The following RPS6KA2 variants were observed in gnomAD, a reference collection of about 807,000 sequenced individuals.
RPS6KA2 encodes the protein ribosomal protein S6 kinase A2, also known as ribosomal protein S6 kinase alpha-2.
Under a neutral mutation model 91.8 loss-of-function variants are expected in RPS6KA2, and 42 were observed. The observed-to-expected ratio is 0.46, with a 90% confidence interval of 0.36 to 0.59. The LOEUF (loss-of-function observed/expected upper bound fraction) is 0.59, where lower values mean the gene tolerates loss of function less well. Ranked by LOEUF, RPS6KA2 falls within the 20% of genes least tolerant of loss-of-function variation. The probability of loss-of-function intolerance (pLI) is 0.00; values close to 1 mark genes in which losing one functional copy is unlikely to be tolerated. For missense variants in RPS6KA2, 798 were observed against 978.5 expected (o/e 0.82, Z 2.46); for synonymous variants, 414 against 393.6 (o/e 1.05, Z -0.61).
chr6:166,717,022 A>G (rs904385154), intron 2 of RPS6KA2, among the ~76,000 whole-genome samples: 1 of 152,210 alleles, frequency 6.6e-6, no homozygotes, highest in Non-Finnish European at 1.5e-5. Context: ...AGCCAGAAGG[A>G]GCAGGGAGTG....
chr6:166,795,013 AAAT>A (rs1027945575), intron 2 of RPS6KA2, among the ~76,000 whole-genome samples: 26 of 151,772 alleles, frequency 1.7e-4, no homozygotes, highest in African/African-American at 2.4e-4. Context: ...AATAAAATAA[AAAT>A]AAATAAATAA....
At chr6:166,674,290 A>G (rs1788559411) in intron 2 of RPS6KA2, among the ~76,000 whole-genome samples, 1 of 152,246 alleles carries the variant, frequency 6.6e-6, no homozygotes, top group Admixed American at 6.5e-5. Flanking sequence ...GATTGGGGAC[A>G]GTAGTGCTTT....
chr6:166,837,215 G>A (rs1338531701), intron 2 of RPS6KA2, among the ~76,000 whole-genome samples: 1 of 152,100 alleles, frequency 6.6e-6, no homozygotes, highest in Non-Finnish European at 1.5e-5. Flanking sequence ...AAGGGTCTGG[G>A]GTGGGAGGGC....
At chr6:166,552,676 T>C (rs1467849344) in intron 1 of RPS6KA2, among the ~76,000 whole-genome samples, 1 of 152,202 alleles carries the variant, frequency 6.6e-6, no homozygotes, top group East Asian at 1.9e-4. Flanking sequence ...CCAAAAGGTT[T>C]CTGAAGCTCT....
chr6:166,531,234 T>A lies in RPS6KA2; in HGVS notation c.296A>T (p.Lys99Ile). 1 of 1,612,860 alleles carries A rather than the reference T, an allele frequency of 6.2e-7. No homozygotes were observed. The highest frequency in any genetic ancestry group is 1.1e-5 in the South Asian group (1 of 91,052). Residue 99 changes from lysine to isoleucine, a missense_variant and splice_region_variant, in exon 3 of 21, where the codon AAA becomes ATA. By Grantham distance (102) the Lys-to-Ile change is moderately radical. Transcript: ENST00000265678. The stretch of plus-strand genomic sequence containing the variant: ...GCCGGCCCTTCCGAAGCTCTTACCT[T>A]TTAGGGTGGCTTTCTTAAGGACCTT... The part of the protein sequence containing the change: ...AMKVLKKATL[K>I]VRDRVRSKME...
chr6:166,813,265 C>T (rs1006825951), intron 2 of RPS6KA2, among the ~76,000 whole-genome samples: 1 of 152,258 alleles, frequency 6.6e-6, no homozygotes, highest in Admixed American at 6.5e-5. Context: ...GCCAGGGCTC[C>T]GATTCCCTGG....
chr6:166,664,872 C>T (rs1031788091), intron 2 of RPS6KA2, among the ~76,000 whole-genome samples: 1 of 152,188 alleles, frequency 6.6e-6, no homozygotes, highest in Non-Finnish European at 1.5e-5. Flanking sequence ...CCAGCTTTCG[C>T]CTCCTGAACA....
chr6:166,643,768 C>G (rs1787522290), intron 2 of RPS6KA2, among the ~76,000 whole-genome samples: 1 of 152,238 alleles, frequency 6.6e-6, no homozygotes, highest in Admixed American at 6.5e-5. Flanking sequence ...CAAGGATGCT[C>G]TCTGTGACCC....
At position 166,437,470 on chromosome 6, in the gene RPS6KA2, G is replaced by A. The variant is rs1033479924; in HGVS notation, c.1333-4980C>T. On this transcript the variant is annotated intron_variant, in intron 14 of 20. Coordinates refer to ENST00000265678, the MANE Select transcript of RPS6KA2 (RefSeq NM_021135.6). This position sits in a 1 kb window ranked among gnomAD's most constrained non-coding sequence, Gnocchi z 4.3. ...CGGAGTAGGAGTGGTGTCGTGGGGCGGGGGACAAGCTCGCTCAGCTTTCTT... is the reference window on the plus strand; with the variant it reads ...CGGAGTAGGAGTGGTGTCGTGGGGCAGGGGACAAGCTCGCTCAGCTTTCTT... Among the ~76,000 whole-genome samples the A allele has an allele frequency of 9.2e-5, 14 of 152,312 alleles. No individual in the cohort carries two copies. Among genetic ancestry groups the A allele is most frequent in the Admixed American group, 3.9e-4 (6 of 15,296 alleles).
At chr6:166,841,763 T>A (rs1041962961) in intron 2 of RPS6KA2, among the ~76,000 whole-genome samples, 4 of 152,212 alleles carry the variant, frequency 2.6e-5, no homozygotes, top group East Asian at 1.9e-4. Flanking sequence ...TGACATGGTA[T>A]GACGGTAACA....
intron 2 of RPS6KA2, among the ~76,000 whole-genome samples, chr6:166,763,693 G>C (rs1194981339): frequency 6.6e-6 from 1 of 152,216 alleles, no homozygotes; most frequent in Non-Finnish European, 1.5e-5. Context: ...GTACAGATAA[G>C]AGCATTGAGA....
At chr6:166,830,138 A>AAAAGAAAG (rs200116355) in intron 2 of RPS6KA2, among the ~76,000 whole-genome samples, 1 of 129,042 alleles carries the variant, frequency 7.7e-6, no homozygotes, top group African/African-American at 2.9e-5. Flanking sequence ...AAAAAAAAAA[A>AAAAGAAAG]AAAGAAAGAA....
intron 13 of RPS6KA2, 92 bp downstream of exon 13, chr6:166,451,011 C>T (rs1038272991): frequency 2.7e-6 from 4 of 1,504,900 alleles, no homozygotes; most frequent in Non-Finnish European, 3.7e-6. Context: ...AAGCACCCAA[C>T]CCCCGGGTGA....
Position 166,726,726 on chromosome 6 carries a change from G to A in RPS6KA2, c.123+131474C>T, listed in dbSNP as rs923071949. On this transcript the variant is annotated intron_variant, in intron 2 of 21. Coordinates refer to the RPS6KA2 transcript ENST00000503859. The surrounding 1 kb of genome is among the most constrained non-coding windows in gnomAD (Gnocchi z 4.4). ...CTCTTACAACTTCAGTTGCGATACCGGTTTCCATAAGCTTCTGTGAATTCT... is the reference window on the plus strand; with the variant it reads ...CTCTTACAACTTCAGTTGCGATACCAGTTTCCATAAGCTTCTGTGAATTCT... 2.6e-5 allele frequency among the ~76,000 whole-genome samples: 4 copies of A among 152,184 alleles called. No homozygotes were observed. The highest frequency in any genetic ancestry group is 1.9e-4 in the East Asian group (1 of 5,202).
chr6:166,695,179 T>C (rs1157489291), intron 2 of RPS6KA2, among the ~76,000 whole-genome samples: 1 of 152,150 alleles, frequency 6.6e-6, no homozygotes, highest in Non-Finnish European at 1.5e-5. Context: ...TGAACCCAGG[T>C]TGGAGAGACA....
chr6:166,800,762 T>C (rs1182623919), intron 2 of RPS6KA2, among the ~76,000 whole-genome samples: 1 of 152,204 alleles, frequency 6.6e-6, no homozygotes, highest in Non-Finnish European at 1.5e-5. Flanking sequence ...TTACCTGAGA[T>C]CATTTTAAAC....
In RPS6KA2 at chr6:166,451,156, G is replaced by T; in HGVS notation, c.1153C>A (p.Gln385Lys). Reference sequence around the variant, plus strand: ...TGCAGATCTTGCTGTGAGGGCTCCTGGATCAGGCTTGAGGCCACAAAGCTG... The same window carrying T: ...TGCAGATCTTGCTGTGAGGGCTCCTTGATCAGGCTTGAGGCCACAAAGCTG... Reference protein sequence around the residue: ...GFSFVASSLIQEPSQQDLHKV... With the variant: ...GFSFVASSLIKEPSQQDLHKV... The change falls in exon 13 of 21, where the codon CAG (glutamine) becomes AAG (lysine). Residue 385 changes from glutamine (Q) to lysine (K), a missense_variant. Coordinates refer to ENST00000265678, the MANE Select transcript of RPS6KA2 (RefSeq NM_021135.6). 6.2e-7 allele frequency: 1 copy of T among 1,614,054 alleles called. No homozygotes were observed.
chr6:166,565,750 G>A (rs551424812), intron 1 of RPS6KA2, among the ~76,000 whole-genome samples: 4 of 152,328 alleles, frequency 2.6e-5, no homozygotes, highest in Admixed American at 2.6e-4. Context: ...TGGCTGGGGA[G>A]GGGTGCTCCT....
At chr6:166,663,696 C>G (rs1432932647) in intron 2 of RPS6KA2, among the ~76,000 whole-genome samples, 2 of 152,186 alleles carry the variant, frequency 1.3e-5, no homozygotes, top group African/African-American at 4.8e-5. Flanking sequence ...AGGCCCCACC[C>G]TATCCCGGAA....
Sources: allele counts gnomAD v4.1 joint callset (sites outside exome capture counted in the v4.1 genomes callset), GRCh38; gene constraint gnomAD v4.1.1; non-coding constraint Gnocchi (gnomAD v3.1); transcripts MANE v1.5; gene names NCBI Gene and HGNC (gene_info 2026-07-23, HGNC 2026-07-21).